Variants in DSCAML1 observed in about 807,000 individuals in gnomAD.
DSCAML1 encodes the protein cell adhesion molecule DSCAML1.
DSCAML1 carries 38 observed loss-of-function variants against 200.5 expected under a neutral mutation model. The observed-to-expected ratio is 0.19, with a 90% CI of 0.15 to 0.25. The LOEUF is 0.25. Ranked by LOEUF, DSCAML1 falls within the 10% of genes least tolerant of loss-of-function variation. The pLI is 1.00. For missense variants in DSCAML1, 2,223 were observed against 2,858.8 expected (o/e 0.78, Z 5.07); for synonymous variants, 1,215 against 1,165.0 (o/e 1.04, Z -0.87).
chr11:117,716,221 A>G (rs2053949665), intron 3 of DSCAML1, among the ~76,000 whole-genome samples: 1 of 152,286 alleles, frequency 6.6e-6, no homozygotes, highest in Non-Finnish European at 1.5e-5. Context: ...CTTTTATTTT[A>G]TGATAAAGTG....
chr11:117,730,277 C>A (rs903834146), intron 3 of DSCAML1, among the ~76,000 whole-genome samples: 1 of 152,094 alleles, frequency 6.6e-6, no homozygotes, highest in Non-Finnish European at 1.5e-5. Flanking sequence ...CAGAGTGATA[C>A]AATTGCTAGC....
At position 117,516,323 on chromosome 11, in the gene DSCAML1, T is replaced by C. The variant is rs1702114189; in HGVS notation, c.1783+144A>G. The C allele has an allele frequency of 1.8e-6, 2 of 1,081,446 alleles. No individual in the cohort carries two copies. The highest frequency in any genetic ancestry group is 1.6e-5 in the African/African-American group (1 of 62,862). The allele number at this position is 1,081,446 out of a possible 1,614,324, so 67.0% of individuals were successfully genotyped here. A position where few individuals can be genotyped will look rare whatever the true frequency, so the allele number is the denominator to read the frequency against. ...CAGTCTTCTGCCCTGCTCCCTTTTT[T>C]CTGAATGCCAAGCTGGGGCCTCTCT... On this transcript the variant is annotated intron_variant, in intron 8 of 32. Coordinates refer to ENST00000651296, the MANE Select transcript of DSCAML1 (RefSeq NM_020693.4). The surrounding 1 kb of genome is among the most constrained non-coding windows in gnomAD (Gnocchi z 5.7).
chr11:117,791,687 C>T (rs1177822411), intron 1 of DSCAML1, among the ~76,000 whole-genome samples: 9 of 152,204 alleles, frequency 5.9e-5, no homozygotes, highest in Non-Finnish European at 1.0e-4. Context: ...AAGGAGTTGA[C>T]GTCCCCTGTC....
intron 3 of DSCAML1, among the ~76,000 whole-genome samples, chr11:117,725,706 C>A: frequency 6.6e-6 from 1 of 152,172 alleles, no homozygotes; most frequent in East Asian, 1.9e-4. Flanking sequence ...GGCCTAGACA[C>A]AGGGCTGGCC....
chr11:117,478,573 G>A (rs138126894), intron 14 of DSCAML1, among the ~76,000 whole-genome samples: 1 of 152,222 alleles, frequency 6.6e-6, no homozygotes, highest in East Asian at 1.9e-4. Context: ...GTCTCCCCCG[G>A]GAGCTCAGAC....
At chr11:117,637,135 T>C (rs1419151822) in intron 3 of DSCAML1, among the ~76,000 whole-genome samples, 1 of 151,870 alleles carries the variant, frequency 6.6e-6, no homozygotes, top group Non-Finnish European at 1.5e-5. Context: ...CCTTGGGCCC[T>C]TGCCTCCAAG....
chr11:117,695,240 C>G (rs1228115378), intron 3 of DSCAML1, among the ~76,000 whole-genome samples: 1 of 151,634 alleles, frequency 6.6e-6, no homozygotes, highest in Non-Finnish European at 1.5e-5. Flanking sequence ...GCAAAGACAT[C>G]ACAGATGATG....
At chr11:117,707,535 C>CT (rs202106088) in intron 3 of DSCAML1, among the ~76,000 whole-genome samples, 4,698 of 149,624 alleles carry the variant, frequency 0.031, 127 homozygotes, top group African/African-American at 0.073. Flanking sequence ...TCTTTTTATT[C>CT]TTTTTTTTTT....
chr11:117,519,786 C>T (rs2137313387), intron 6 of DSCAML1, among the ~76,000 whole-genome samples: 1 of 152,314 alleles, frequency 6.6e-6, no homozygotes, highest in South Asian at 2.1e-4. Flanking sequence ...CATCACTGCA[C>T]TCCAGCCTGG....
chr11:117,437,932 G>A lies in DSCAML1; in HGVS notation c.4395C>T (p.Arg1465=), dbSNP rs1166870982. Reference sequence around the variant, plus strand: ...TCTTGGCCTCGATGATCTCGCTGATGCGCCCAGAGCCCACGCTGTTCTTGG... The same window carrying A: ...TCTTGGCCTCGATGATCTCGCTGATACGCCCAGAGCCCACGCTGTTCTTGG... ...LAAKNSVGSG[R]ISEIIEAKTH... The change falls in exon 25 of 33, where the codon CGC becomes CGT. Residue 1465 remains arginine (R), a synonymous_variant. Transcript: ENST00000651296. This position sits in a 1 kb window ranked among gnomAD's most constrained non-coding sequence, Gnocchi z 5.3. 2 of 1,612,970 alleles carry A rather than the reference G, an allele frequency of 1.2e-6. No homozygotes were observed. Among genetic ancestry groups the A allele is most frequent in the Admixed American group, 1.7e-5 (1 of 59,980 alleles).
intron 13 of DSCAML1, 31 bp downstream of exon 13, chr11:117,481,143 G>T: frequency 6.2e-7 from 1 of 1,605,938 alleles, no homozygotes; most frequent in Non-Finnish European, 8.5e-7. Context: ...CTGGGGAGGT[G>T]GGATGGGAAG....
chr11:117,710,380 C>T (rs1482259595), intron 3 of DSCAML1, among the ~76,000 whole-genome samples: 2 of 152,174 alleles, frequency 1.3e-5, no homozygotes, highest in Admixed American at 6.5e-5. Flanking sequence ...TTTTGCCAGC[C>T]GGCAGCCTTC....
intron 23 of DSCAML1, 123 bp from the exon 24 acceptor site, chr11:117,439,106 G>C (rs1046196546): frequency 1.5e-5 from 20 of 1,334,218 alleles, no homozygotes; most frequent in Non-Finnish European, 1.9e-5. Flanking sequence ...CCACTCCCCA[G>C]CTCTCCTGCC....
At position 117,439,845 on chromosome 11, in the gene DSCAML1, G is replaced by T. The variant is rs772586331; in HGVS notation, c.3954C>A (p.Ala1318=). The T allele has an allele frequency of 6.2e-7, 1 of 1,614,016 alleles. No homozygotes were observed. The highest frequency in any genetic ancestry group is 1.7e-5 in the Admixed American group (1 of 60,008). ...TGTCCTTGGTCCACTTCACAGCAGG[G>T]GCTGGATCTCCCACTGAATTGCAAG... ...RLPCNSVGDP[A]PAVKWTKDSE... The change falls in exon 22 of 33, where the codon GCC becomes GCA. Residue 1318 remains alanine, a synonymous_variant. Transcript: ENST00000651296.
At chr11:117,797,358 A>T (rs1276894004), upstream of DSCAML1, 8 of 1,098,830 alleles carry the variant, frequency 7.3e-6, no homozygotes, top group East Asian at 2.0e-4. Flanking sequence ...CCCCAGCCCC[A>T]CAAGCCCAGG....
chr11:117,439,831 C>T lies in DSCAML1; in HGVS notation c.3968G>A (p.Trp1323Ter). Reference sequence around the variant, plus strand: ...TCCCGACACACACCTGTCCTTGGTCCACTTCACAGCAGGGGCTGGATCTCC... The same window carrying T: ...TCCCGACACACACCTGTCCTTGGTCTACTTCACAGCAGGGGCTGGATCTCC... ...SVGDPAPAVK[W>*]TKDSEDSAIP... The change falls in exon 22 of 33, where the codon TGG (tryptophan) becomes TAG (stop). Residue 1323 changes from tryptophan (W) to a stop codon, truncating the protein, a stop_gained. Transcript: ENST00000651296. LOFTEE classifies it high-confidence loss of function. The T allele has an allele frequency of 6.2e-7, 1 of 1,614,130 alleles. No homozygotes were observed. Among genetic ancestry groups the T allele is most frequent in the Non-Finnish European group, 8.5e-7 (1 of 1,179,968 alleles).
chr11:117,684,453 A>AG, intron 3 of DSCAML1, among the ~76,000 whole-genome samples: 1 of 146,600 alleles, frequency 6.8e-6, no homozygotes, highest in Non-Finnish European at 1.5e-5. Context: ...AAAAAAAAAA[A>AG]AAAAAAAGAA....
intron 3 of DSCAML1, among the ~76,000 whole-genome samples, chr11:117,663,115 G>A (rs1374779706): frequency 6.6e-6 from 1 of 152,144 alleles, no homozygotes; most frequent in Non-Finnish European, 1.5e-5. Flanking sequence ...GAAGGCAAAG[G>A]CATCTTTCAG....
intron 19 of DSCAML1, among the ~76,000 whole-genome samples, chr11:117,454,439 T>C (rs567377900): frequency 6.6e-6 from 1 of 152,274 alleles, no homozygotes; most frequent in African/African-American, 2.4e-5. Flanking sequence ...AATGTGTTAT[T>C]AAACCCATCA....
Sources: allele counts gnomAD v4.1 joint callset (sites outside exome capture counted in the v4.1 genomes callset), GRCh38; gene constraint gnomAD v4.1.1; non-coding constraint Gnocchi (gnomAD v3.1); transcripts MANE v1.5; gene names NCBI Gene and HGNC (gene_info 2026-07-23, HGNC 2026-07-21).